UNC13B: variants seen among roughly 807,000 people sequenced by gnomAD.
UNC13B encodes unc-13 homolog B, also known as protein unc-13 homolog B.
A neutral mutation model predicts 211.0 loss-of-function variants in UNC13B; 144 were observed. The observed-to-expected ratio is 0.68, with a 90% confidence interval of 0.60 to 0.78. UNC13B has a LOEUF of 0.78. UNC13B is among the 30% of genes least tolerant of loss of function. The pLI is 0.00. For missense variants in UNC13B, 1,777 were observed against 2,002.0 expected (o/e 0.89, Z 2.14); for synonymous variants, 709 against 725.8 (o/e 0.98, Z 0.37).
At chr9:35,340,725 G>T (rs535297256) in intron 11 of UNC13B, among the ~76,000 whole-genome samples, 1 of 152,304 alleles carries the variant, frequency 6.6e-6, no homozygotes, top group Non-Finnish European at 1.5e-5. Context: ...GTCAGAAGAG[G>T]AATGACTTCA....
At chr9:35,251,780 T>C (rs1324785345) in intron 6 of UNC13B, among the ~76,000 whole-genome samples, 1 of 152,332 alleles carries the variant, frequency 6.6e-6, no homozygotes, top group East Asian at 1.9e-4. Context: ...GTTTTCATAG[T>C]TGATTTTTTC....
Position 35,304,627 on chromosome 9 carries a change from A to T in UNC13B, c.5223A>T (p.Gln1741His), listed in dbSNP as rs927729365. 2 of 398,688 alleles carry T rather than the reference A, an allele frequency of 5.0e-6. No individual in the cohort carries two copies. The highest frequency in any genetic ancestry group is 4.1e-5 in the African/African-American group (2 of 48,598). 24.7% of individuals were successfully genotyped at this position (398,688 alleles called of 1,614,324 possible). ...AAAATATGACTAAAGGCTCACAACA[A>T]GCAGAAGAGACATCATTAGTGAACA... ...HPENMTKGSQ[Q>H]AEETSLVNKV... Residue 1741 changes from glutamine to histidine, a missense_variant, in exon 9 of 40, where the codon CAA becomes CAT. By Grantham distance (24) the Gln-to-His change is conservative (BLOSUM62 0). Transcript: ENST00000635942.
At chr9:35,320,429 A>G (rs1830683442) in intron 11 of UNC13B, among the ~76,000 whole-genome samples, 1 of 152,208 alleles carries the variant, frequency 6.6e-6, no homozygotes, top group Non-Finnish European at 1.5e-5. Context: ...TAATGTCTTA[A>G]GAGTGGTTTT....
intron 11 of UNC13B, chr9:35,353,433 G>A: frequency 1.6e-6 from 2 of 1,232,316 alleles, no homozygotes; most frequent in South Asian, 8.2e-5. Flanking sequence ...AGTTCAGGGG[G>A]TGCCCAGGAT....
rs267602222 is a variant in UNC13B, at chr9:35,380,474, T to G, written c.10210T>G (p.Cys3404Gly). 6.2e-7 allele frequency: 1 copy of G among 1,613,904 alleles called. No homozygotes were observed. The highest frequency in any genetic ancestry group is 1.7e-5 in the Admixed American group (1 of 60,008). Reference protein sequence around the residue: ...PVWEEKFHFECHNSSDRIKVR... With the variant: ...PVWEEKFHFEGHNSSDRIKVR... ...GCCTGCCTAATTCTCTCACAGTGAG[T>G]GCCACAACTCCTCTGACCGCATTAA... is the stretch of plus-strand genomic sequence containing the variant. Residue 3404 changes from cysteine to glycine, a missense_variant, in exon 18 of 40, where the codon TGC becomes GGC. Cys to Gly is a radical substitution (Grantham distance 159, BLOSUM62 -3). Coordinates refer to ENST00000635942, the MANE Select transcript of UNC13B (RefSeq NM_001371189.2).
In UNC13B at chr9:35,295,940, G is replaced by T; in HGVS notation, c.761+10G>T. ...AGCGGCGGGCTATCAGGTGGGTATT[G>T]AGCACAAAGTACTTTCTCTTCCTAA... is the stretch of plus-strand genomic sequence containing the variant. On this transcript the variant is annotated intron_variant, in intron 8 of 39. Coordinates refer to ENST00000635942, the MANE Select transcript of UNC13B (RefSeq NM_001371189.2). The T allele has an allele frequency of 6.3e-7, 1 of 1,588,360 alleles. No individual in the cohort carries two copies. The highest frequency in any genetic ancestry group is 1.1e-5 in the South Asian group (1 of 87,688).
intron 1 of UNC13B, among the ~76,000 whole-genome samples, chr9:35,196,716 G>A (rs574560329): frequency 1.4e-4 from 22 of 152,264 alleles, no homozygotes; most frequent in African/African-American, 5.3e-4. Context: ...ATTGTGTGCT[G>A]AAGTACCTCC....
At chr9:35,243,919 C>T (rs769320190) in intron 6 of UNC13B, among the ~76,000 whole-genome samples, 7 of 151,910 alleles carry the variant, frequency 4.6e-5, no homozygotes, top group Non-Finnish European at 7.4e-5. Context: ...AAAAATGGGT[C>T]TGATTATAAG....
chr9:35,303,424 A>G lies in UNC13B; in HGVS notation c.4020A>G (p.Lys1340=). ...SPVLNTNILN[K]SNNYQAFEEM... The stretch of plus-strand genomic sequence containing the variant: ...TACTAAATACCAACATTCTCAATAA[A>G]TCAAACAACTATCAGGCTTTTGAAG... The change falls in exon 9 of 40, where the codon AAA becomes AAG. Residue 1340 remains lysine (K), a synonymous_variant. Transcript: ENST00000635942. The G allele has an allele frequency of 2.5e-6, 1 of 398,794 alleles. No homozygotes were observed. The highest frequency in any genetic ancestry group is 6.3e-4 in the Middle Eastern group (1 of 1,588). 24.7% of individuals were successfully genotyped at this position (398,794 alleles called of 1,614,324 possible). A position where few individuals can be genotyped will look rare whatever the true frequency, so the allele number is the denominator to read the frequency against.
At chr9:35,313,639 A>AATAAATAT (rs1830298655) in intron 10 of UNC13B, among the ~76,000 whole-genome samples, 1 of 122,838 alleles carries the variant, frequency 8.1e-6, no homozygotes. Context: ...TAAATAAATA[A>AATAAATAT]ATAAATAAAT....
intron 11 of UNC13B, among the ~76,000 whole-genome samples, chr9:35,357,442 T>C (rs1482171023): frequency 6.6e-6 from 1 of 152,168 alleles, no homozygotes; most frequent in East Asian, 1.9e-4. Context: ...GTTTTGTTTT[T>C]GAGCTGTAAG....
At position 35,399,632 on chromosome 9, in the gene UNC13B, C is replaced by T; in HGVS notation, c.12256-17C>T. The T allele has an allele frequency of 6.2e-7, 1 of 1,613,974 alleles. No individual in the cohort carries two copies. Among genetic ancestry groups the T allele is most frequent in the Non-Finnish European group, 8.5e-7 (1 of 1,179,892 alleles). ...ACTGCTGTGAGCTGTCCTGATGCTG[C>T]TGATTTCTCTGAACAGGATCACATG... On this transcript the variant is annotated splice_polypyrimidine_tract_variant and intron_variant, in intron 35 of 39. Transcript: ENST00000635942.
Position 35,303,141 on chromosome 9 carries a change from C to A in UNC13B, c.3737C>A (p.Ser1246Tyr), listed in dbSNP as rs1829766517. ...AACCATGTTGAAAAACATGAAACTT[C>A]TAGCTTCATAGAAGCCTCCTTATTA... ...PKNHVEKHET[S>Y]SFIEASLLPK... The change falls in exon 9 of 40, where the codon TCT becomes TAT. Residue 1246 changes from serine (S) to tyrosine (Y), a missense_variant. By Grantham distance (144) the Ser-to-Tyr change is moderately radical. Transcript: ENST00000635942. The A allele has an allele frequency of 5.0e-6, 2 of 398,556 alleles. No individual in the cohort carries two copies. The highest frequency in any genetic ancestry group is 1.3e-4 in the South Asian group (1 of 7,850). 24.7% of individuals were successfully genotyped at this position (398,556 alleles called of 1,614,324 possible). A position where few individuals can be genotyped will look rare whatever the true frequency, so the allele number is the denominator to read the frequency against.
At chr9:35,345,948 G>C (rs779366485) in intron 11 of UNC13B, among the ~76,000 whole-genome samples, 1 of 152,152 alleles carries the variant, frequency 6.6e-6, no homozygotes, top group Admixed American at 6.6e-5. Flanking sequence ...TCTAGCTTCT[G>C]GCCTATAAAT....
chr9:35,402,280 T>A (rs1304081928), intron 37 of UNC13B, among the ~76,000 whole-genome samples: 1 of 150,922 alleles, frequency 6.6e-6, no homozygotes, highest in Non-Finnish European at 1.5e-5. Context: ...TTTTCTTTTT[T>A]TCTTTTTTTT....
At chr9:35,332,286 T>G (rs556503078) in intron 11 of UNC13B, among the ~76,000 whole-genome samples, 1 of 152,364 alleles carries the variant, frequency 6.6e-6, no homozygotes, top group South Asian at 2.1e-4. Flanking sequence ...TTCCCAAATC[T>G]AAACCTTCCC....
intron 3 of UNC13B, among the ~76,000 whole-genome samples, chr9:35,235,424 T>C (rs1825441619): frequency 6.6e-6 from 1 of 152,098 alleles, no homozygotes; most frequent in Non-Finnish European, 1.5e-5. Flanking sequence ...CTACCTGGAC[T>C]CCCTTTCATA....
At chr9:35,230,711 A>AT (rs527772115) in intron 2 of UNC13B, among the ~76,000 whole-genome samples, 4 of 151,598 alleles carry the variant, frequency 2.6e-5, no homozygotes, top group African/African-American at 7.3e-5. Context: ...TTAGATTTGG[A>AT]TTTTTCCCCC....
chr9:35,393,610 C>T (rs1835683625), intron 26 of UNC13B, among the ~76,000 whole-genome samples: 1 of 132,740 alleles, frequency 7.5e-6, no homozygotes. Flanking sequence ...CTCTCTGTGT[C>T]ACCCAGGCTG....
Sources: gnomAD v4.1 joint callset for allele counts (sites outside exome capture counted in the v4.1 genomes callset) on GRCh38, gnomAD v4.1.1 for gene constraint, MANE v1.5 for transcripts, NCBI Gene and HGNC (gene_info 2026-07-23, HGNC 2026-07-21) for gene names.